The following PLCD3 variants were observed in gnomAD, a reference collection of about 807,000 sequenced individuals.
PLCD3 encodes 1-phosphatidylinositol 4,5-bisphosphate phosphodiesterase delta-3.
In PLCD3, 62 loss-of-function variants were observed where a neutral mutation model predicts 82.8. The ratio of observed to expected loss-of-function variants is 0.75; its 90% CI spans 0.61 to 0.93. PLCD3 has a LOEUF of 0.93. Among genes scored for constraint, PLCD3 ranks in the 40% least tolerant of loss-of-function variants. The pLI is 0.00. For missense variants in PLCD3, 1,023 were observed against 1,103.4 expected (o/e 0.93, Z 1.03); for synonymous variants, 478 against 471.8 (o/e 1.01, Z -0.17).
At position 45,121,031 on chromosome 17, in the gene PLCD3, G is replaced by A. The variant is rs199520058; in HGVS notation, c.425C>T (p.Ala142Val). 2,598 of 1,541,098 alleles carry A rather than the reference G, an allele frequency of 1.7e-3. 4 individuals are homozygous for A. The highest frequency in any genetic ancestry group is 2.0e-3 in the South Asian group (170 of 84,018). Reference sequence around the variant, plus strand: ...CAGGTTCTTGCGGCGGCCCTTGAAGGCGATGGTGAGGCAGCGCGCTGGCGC... The same window carrying A: ...CAGGTTCTTGCGGCGGCCCTTGAAGACGATGGTGAGGCAGCGCGCTGGCGC... ...AFAPARCLTIAFKGRRKNLDL... is the reference protein window; with the variant it reads ...AFAPARCLTIVFKGRRKNLDL... The change falls in exon 3 of 15, where the codon GCC (alanine) becomes GTC (valine). Residue 142 changes from alanine (A) to valine (V), a missense_variant. Physicochemically the swap from Ala to Val is moderately conservative, Grantham distance 64 (BLOSUM62 0). Around this residue, in one of 3 missense-constraint regions of PLCD3, gnomAD observed 448 missense variants for 406.3 expected, o/e 1.10. Coordinates refer to ENST00000619929, the MANE Select transcript of PLCD3 (RefSeq NM_133373.5).
In PLCD3 at chr17:45,109,007, C is replaced by G. The variant is rs1200289824; in HGVS notation, c.*3609G>C. The G allele has an allele frequency of 6.6e-6, 1 of 152,646 alleles. No individual in the cohort carries two copies. Among genetic ancestry groups the G allele is most frequent in the South Asian group, 2.1e-4 (1 of 4,832 alleles). 9.5% of individuals were successfully genotyped at this position (152,646 alleles called of 1,614,324 possible). The stretch of plus-strand genomic sequence containing the variant: ...CACTTGTTTCTAATAAAGAAAGCAG[C>G]TGAACAAAACCTTCTGTCCTGGTAT... On this transcript the variant is annotated 3_prime_UTR_variant, in exon 15 of 15. Coordinates refer to ENST00000619929, the MANE Select transcript of PLCD3 (RefSeq NM_133373.5).
At position 45,115,506 on chromosome 17, in the gene PLCD3, T is replaced by C; in HGVS notation, c.1414-16A>G. 6.3e-7 allele frequency: 1 copy of C among 1,599,776 alleles called. No homozygotes were observed. On this transcript the variant is annotated splice_polypyrimidine_tract_variant and intron_variant, in intron 8 of 14. Transcript: ENST00000619929. ...CCTTCAGCTGCTGTGGGGGCCAACG[T>C]GGAGGATGAAGGGTTAGGCCTTCTC...
intron 1 of PLCD3, among the ~76,000 whole-genome samples, chr17:45,131,787 C>T (rs2054452838): frequency 6.6e-6 from 1 of 152,248 alleles, no homozygotes; most frequent in South Asian, 2.1e-4. Context: ...GTGGCCGCCT[C>T]TGTGGGGCCG....
Position 45,132,122 on chromosome 17 carries a change from G to T in PLCD3, c.163+126C>A. 1.9e-6 allele frequency: 2 copies of T among 1,056,946 alleles called. No individual in the cohort carries two copies. The highest frequency in any genetic ancestry group is 1.2e-6 in the Non-Finnish European group (1 of 829,862). 65.5% of individuals were successfully genotyped at this position (1,056,946 alleles called of 1,614,324 possible). On this transcript the variant is annotated intron_variant, in intron 1 of 14. Coordinates refer to ENST00000619929, the MANE Select transcript of PLCD3 (RefSeq NM_133373.5). The surrounding 1 kb of genome is among the most constrained non-coding windows in gnomAD (Gnocchi z 4.6). ...CCCAGCTGGAGGGAGCTGGCCCTCCGCCCCTAGCCATAGCCTCCCAGCCCC... is the reference window on the plus strand; with the variant it reads ...CCCAGCTGGAGGGAGCTGGCCCTCCTCCCCTAGCCATAGCCTCCCAGCCCC...
rs1336563992 is a variant in PLCD3, at chr17:45,114,281, G to A, written c.1797C>T (p.Pro599=). The stretch of plus-strand genomic sequence containing the variant: ...GACAGCCCGAGTTCCACATCTCCTG[G>A]GGACTGTAGTTGGCTGAGTTCATCC... The part of the protein sequence containing the change: ...GLRMNSANYS[P]QEMWNSGCQL... Residue 599 remains proline (P), a synonymous_variant, in exon 11 of 15, where the codon CCC becomes CCT. Coordinates refer to ENST00000619929, the MANE Select transcript of PLCD3 (RefSeq NM_133373.5). 1.3e-6 allele frequency: 2 copies of A among 1,546,682 alleles called. No individual in the cohort carries two copies. The highest frequency in any genetic ancestry group is 2.0e-5 in the Admixed American group (1 of 49,868).
Position 45,116,702 on chromosome 17 carries a change from G to A in PLCD3, c.1343C>T (p.Thr448Ile). ...TGTCACCAGCATGTCCCCCAGGATG[G>A]TGCAGAGGTGGCGGGCCATGGCAGC... is the stretch of plus-strand genomic sequence containing the variant. The part of the protein sequence containing the change: ...QQAAMARHLC[T>I]ILGDMLVTQA... Residue 448 changes from threonine (T) to isoleucine (I), a missense_variant, in exon 8 of 15, where the codon ACC (threonine) becomes ATC (isoleucine). Transcript: ENST00000619929. 1 of 1,611,578 alleles carries A rather than the reference G, an allele frequency of 6.2e-7. No individual in the cohort carries two copies. Among genetic ancestry groups the A allele is most frequent in the Non-Finnish European group, 8.5e-7 (1 of 1,178,656 alleles).
rs920630454 is a variant in PLCD3, at chr17:45,121,392, C to T, written c.164-20G>A. ...TCAGGCCTGGCGGGGCGGGAGGACC[C>T]GGGGCGTCAGGCCGTACCTGCCCAG... On this transcript the variant is annotated intron_variant, in intron 1 of 14. Coordinates refer to ENST00000619929, the MANE Select transcript of PLCD3 (RefSeq NM_133373.5). The T allele has an allele frequency of 1.9e-5, 28 of 1,487,078 alleles. No individual in the cohort carries two copies. The highest frequency in any genetic ancestry group is 2.5e-5 in the Non-Finnish European group (28 of 1,124,498). 92.1% of individuals were successfully genotyped at this position (1,487,078 alleles called of 1,614,324 possible).
In PLCD3 at chr17:45,119,032, G is replaced by C. The variant is rs2054316384; in HGVS notation, c.696C>G (p.His232Gln). 6.2e-7 allele frequency: 1 copy of C among 1,608,642 alleles called. No homozygotes were observed. The highest frequency in any genetic ancestry group is 1.3e-5 in the African/African-American group (1 of 74,862). ...CCCCCTCTAGACGGTCGTTGTTGGA[G>C]TGGTCACACTCCTGGGGAGCAGCAG... Reference protein sequence around the residue: ...YAYLLFKECDHSNNDRLEGAE... With the variant: ...YAYLLFKECDQSNNDRLEGAE... Residue 232 changes from histidine to glutamine, a missense_variant, in exon 5 of 15, where the codon CAC becomes CAG. His to Gln is a conservative substitution (Grantham distance 24). Transcript: ENST00000619929.
intron 1 of PLCD3, among the ~76,000 whole-genome samples, chr17:45,122,579 C>A (rs2054350165): frequency 2.6e-5 from 4 of 152,098 alleles, no homozygotes; most frequent in Admixed American, 2.6e-4. Context: ...CTGTCACTTC[C>A]CAGTTATTTA....
intron 7 of PLCD3, among the ~76,000 whole-genome samples, chr17:45,117,505 G>C (rs908837661): frequency 6.6e-6 from 1 of 152,210 alleles, no homozygotes; most frequent in Non-Finnish European, 1.5e-5. Flanking sequence ...CTCCCAGAGT[G>C]CTGGGAATAC....
chr17:45,118,625 C>T lies in PLCD3; in HGVS notation c.914-133G>A. On this transcript the variant is annotated intron_variant, in intron 5 of 14. Transcript: ENST00000619929. The surrounding 1 kb of genome is among the most constrained non-coding windows in gnomAD (Gnocchi z 4.1). ...CTGACTAGACTCCATGTAAGTCATG[C>T]CACTTAACCTTCGACCAGACCCTGG... 2 of 1,163,538 alleles carry T rather than the reference C, an allele frequency of 1.7e-6. No homozygotes were observed. Among genetic ancestry groups the T allele is most frequent in the Non-Finnish European group, 2.4e-6 (2 of 825,270 alleles). 72.1% of individuals were successfully genotyped at this position (1,163,538 alleles called of 1,614,324 possible).
At chr17:45,114,219 G>GC in intron 11 of PLCD3, 31 bp downstream of exon 11, 1 of 1,489,388 alleles carries the variant, frequency 6.7e-7, no homozygotes, top group Admixed American at 2.3e-5. Flanking sequence ...GTGGCACCCC[G>GC]CCTGCTCTCA....
chr17:45,124,198 A>C (rs1423047741), intron 1 of PLCD3, among the ~76,000 whole-genome samples: 2 of 152,170 alleles, frequency 1.3e-5, no homozygotes, highest in Admixed American at 6.5e-5. Context: ...TGAGTGACTA[A>C]GGCCGGAAAT....
intron 12 of PLCD3, 43 bp downstream of exon 12, chr17:45,113,395 GA>G: frequency 6.4e-7 from 1 of 1,566,234 alleles, no homozygotes; most frequent in Non-Finnish European, 8.7e-7. Flanking sequence ...AGCCTTTCTA[GA>G]ACCAGTCTGA....
chr17:45,109,089 A>T lies in PLCD3; in HGVS notation c.*3527T>A, dbSNP rs965280524. 1 of 152,596 alleles carries T rather than the reference A, an allele frequency of 6.6e-6. No individual in the cohort carries two copies. The highest frequency in any genetic ancestry group is 1.5e-5 in the Non-Finnish European group (1 of 68,042). 9.5% of individuals were successfully genotyped at this position (152,596 alleles called of 1,614,324 possible). On this transcript the variant is annotated 3_prime_UTR_variant, in exon 15 of 15. Coordinates refer to ENST00000619929, the MANE Select transcript of PLCD3 (RefSeq NM_133373.5). ...GAGTGCTGGAGCCTAGGCTGGAGCC[A>T]GGACGACAGGGCTTGGACACAAAGT...
intron 8 of PLCD3, among the ~76,000 whole-genome samples, chr17:45,116,384 C>A (rs2054291709): frequency 1.3e-5 from 2 of 151,792 alleles, no homozygotes; most frequent in Non-Finnish European, 2.9e-5. Context: ...GGACACAGGG[C>A]CAGCAGGGCA....
chr17:45,109,200 C>T lies in PLCD3; in HGVS notation c.*3416G>A, dbSNP rs1301649150. 1 of 152,290 alleles carries T rather than the reference C, an allele frequency of 6.6e-6. No individual in the cohort carries two copies. Among genetic ancestry groups the T allele is most frequent in the Non-Finnish European group, 1.5e-5 (1 of 68,098 alleles). The allele number at this position is 152,290 out of a possible 1,614,324, so 9.4% of individuals were successfully genotyped here. A position where few individuals can be genotyped will look rare whatever the true frequency, so the allele number is the denominator to read the frequency against. The stretch of plus-strand genomic sequence containing the variant: ...CCAGGGCAAACTTGGTGTTGTCAGA[C>T]CCTTCCCACCCGCCAGAGACGAGCT... On this transcript the variant is annotated 3_prime_UTR_variant, in exon 15 of 15. Transcript: ENST00000619929.
chr17:45,129,987 G>T (rs1022882911), intron 1 of PLCD3, among the ~76,000 whole-genome samples: 4 of 152,162 alleles, frequency 2.6e-5, no homozygotes, highest in African/African-American at 9.7e-5. Flanking sequence ...AGAGCGAGGC[G>T]GGGGAGGCTA....
chr17:45,113,351 C>G, intron 12 of PLCD3, 88 bp downstream of exon 12: 1 of 1,550,228 alleles, frequency 6.5e-7, no homozygotes, highest in Non-Finnish European at 8.7e-7. Flanking sequence ...TCCAAATGTC[C>G]CCAGCCTCCC....
Sources: allele counts gnomAD v4.1 joint callset (sites outside exome capture counted in the v4.1 genomes callset), GRCh38; gene constraint gnomAD v4.1.1; regional missense constraint gnomAD v4.1.1; non-coding constraint Gnocchi (gnomAD v3.1); transcripts MANE v1.5; gene names NCBI Gene and HGNC (gene_info 2026-07-23, HGNC 2026-07-21).